Variants in PDGFA observed in about 807,000 individuals in gnomAD.
PDGFA encodes the protein platelet-derived growth factor subunit A.
PDGFA carries 9 observed loss-of-function variants against 25.6 expected under a neutral mutation model. That is an observed-to-expected ratio of 0.35 (90% CI 0.21 to 0.61). The LOEUF is 0.61. PDGFA is among the 20% of genes least tolerant of loss of function. The pLI, the probability that PDGFA is intolerant of heterozygous loss-of-function variation, is 0.75. For missense variants in PDGFA, 242 were observed against 272.8 expected, an observed-to-expected ratio of 0.89 and a Z score of 0.79; for synonymous variants, 133 against 111.8, an observed-to-expected ratio of 1.19 and a Z score of -1.20.
In PDGFA at chr7:500,665, T is replaced by C. The variant is rs1430217055; in HGVS notation, c.580+451A>G. The C allele has an allele frequency of 6.2e-6, 9 of 1,459,698 alleles. No individual in the cohort carries two copies. In the African/African-American group the frequency reaches 8.6e-5, roughly 14 times the overall value. 90.4% of individuals were successfully genotyped at this position (1,459,698 alleles called of 1,614,324 possible). ...CCCTCATGCTCCCAGGGCCCAGCCA[T>C]AGCAGGGCACAGAAGCCATTCTGCT... On this transcript the variant is annotated intron_variant, in intron 5 of 5. Coordinates refer to ENST00000402802, the Ensembl canonical transcript of PDGFA. This position sits in a 1 kb window ranked among gnomAD's most constrained non-coding sequence, Gnocchi z 5.0.
Position 510,923 on chromosome 7 carries a change from C to G in PDGFA, c.339G>C (p.Thr113=), listed in dbSNP as rs771863201. The change falls in exon 4 of 6, where the codon ACG becomes ACC. Residue 113 remains threonine (T), a synonymous_variant. Coordinates refer to ENST00000402802, the Ensembl canonical transcript of PDGFA. ...GGGGCCAGATCAGGAAGTTGGCGGA[C>G]GTGGGGTCGACCTGACTCCGAGGAA... 8 of 1,612,670 alleles carry G rather than the reference C, an allele frequency of 5.0e-6. No individual in the cohort carries two copies. The South Asian group carries it at 7.7e-5, about 16-fold the overall frequency.
At chr7:505,656 T>C (rs1388108007) in intron 4 of PDGFA, among the ~76,000 whole-genome samples, 2 of 152,136 alleles carry the variant, frequency 1.3e-5, no homozygotes, top group Non-Finnish European at 2.9e-5. Context: ...GAGGACACCA[T>C]CGTGGTCCAT....
At chr7:516,938 G>C (rs1014653319) in intron 2 of PDGFA, among the ~76,000 whole-genome samples, 1 of 151,802 alleles carries the variant, frequency 6.6e-6, no homozygotes, top group Non-Finnish European at 1.5e-5. Context: ...AGGGGGCCGG[G>C]CCCTGACCCG....
Position 518,925 on chromosome 7 carries a change from G to T in PDGFA, c.63+14C>A, listed in dbSNP as rs1181810415. Reference sequence around the variant, plus strand: ...GGAGCCGGCGCAGGGACGGGGCGCGGGGGCGGCACCAACCTCGGCCAGAAC... The same window carrying T: ...GGAGCCGGCGCAGGGACGGGGCGCGTGGGCGGCACCAACCTCGGCCAGAAC... On this transcript the variant is annotated intron_variant, in intron 1 of 5. Coordinates refer to ENST00000402802, the Ensembl canonical transcript of PDGFA. 4 of 1,509,756 alleles carry T rather than the reference G, an allele frequency of 2.6e-6. No individual in the cohort carries two copies. The South Asian group carries it at 3.7e-5, about 14-fold the overall frequency. The allele number at this position is 1,509,756 out of a possible 1,614,324, so 93.5% of individuals were successfully genotyped here.
At chr7:505,426 CCCCTCTAGA>C (rs1562486583) in intron 4 of PDGFA, among the ~76,000 whole-genome samples, 4 of 152,226 alleles carry the variant, frequency 2.6e-5, no homozygotes, top group African/African-American at 9.6e-5. Flanking sequence ...GATGCCGTCA[CCCCTCTAGA>C]CCTGGGATGC....
exon 1 of PDGFA, chr7:519,014 C>A: frequency 6.6e-7 from 1 of 1,525,840 alleles, no homozygotes; most frequent in South Asian, 1.2e-5. Flanking sequence ...CGTCCCGAGG[C>A]GCTGGCTGCT....
In PDGFA at chr7:517,354, C is replaced by G. The variant is rs1370304656; in HGVS notation, c.160+40G>C. ...GCTCGGGGCGCACAGGCCGCCCGCC[C>G]GCGCCCTCCCCGCGCGCGGAGGGAA... On this transcript the variant is annotated intron_variant, in intron 2 of 5. Transcript: ENST00000402802. This position sits in a 1 kb window ranked among gnomAD's most constrained non-coding sequence, Gnocchi z 7.4. The G allele has an allele frequency of 9.3e-7, 1 of 1,080,356 alleles. No individual in the cohort carries two copies. The highest frequency in any genetic ancestry group is 1.2e-6 in the Non-Finnish European group (1 of 810,258). 66.9% of individuals were successfully genotyped at this position (1,080,356 alleles called of 1,614,324 possible).
intron 2 of PDGFA, chr7:512,846 C>G (rs536734010): frequency 2.3e-4 from 79 of 349,122 alleles, no homozygotes; most frequent in South Asian, 1.8e-3. Flanking sequence ...GCTCCGTGCA[C>G]CTCCCCGAGG....
Position 512,485 on chromosome 7 carries a change from C to A in PDGFA, c.161-30G>T, listed in dbSNP as rs181207197. 3.2e-3 allele frequency: 5,237 copies of A among 1,613,072 alleles called. 17 individuals carry two copies. Among genetic ancestry groups the A allele is most frequent in the Non-Finnish European group, 4.2e-3 (4,917 of 1,179,870 alleles). On this transcript the variant is annotated intron_variant, in intron 2 of 5. Coordinates refer to ENST00000402802, the Ensembl canonical transcript of PDGFA. ...AGGCGGAAGGAGAACACCGTGAATG[C>A]CCCAGGCCCGTGCGCTGTGCCCTGG...
chr7:506,250 C>T (rs2128395904), intron 4 of PDGFA, among the ~76,000 whole-genome samples: 1 of 151,784 alleles, frequency 6.6e-6, no homozygotes, highest in South Asian at 2.1e-4. Context: ...TTGACACCAG[C>T]CTGGCCAACA....
rs1271536578 is a variant in PDGFA, at chr7:500,873, G to T, written c.580+243C>A. On this transcript the variant is annotated intron_variant, in intron 5 of 5. Coordinates refer to ENST00000402802, the Ensembl canonical transcript of PDGFA. This position sits in a 1 kb window ranked among gnomAD's most constrained non-coding sequence, Gnocchi z 5.0. ...ATGCACTCCCAGCCCCTCTCAGTGA[G>T]ACCTGAATCTCCTCTCCTGCCAGTG... 1.3e-6 allele frequency: 2 copies of T among 1,562,558 alleles called. No homozygotes were observed. The highest frequency in any genetic ancestry group is 1.7e-6 in the Non-Finnish European group (2 of 1,161,386).
exon 5 of PDGFA, chr7:501,125 C>T: frequency 6.2e-7 from 1 of 1,614,194 alleles, no homozygotes; most frequent in South Asian, 1.1e-5. Context: ...CCCGTGTCCT[C>T]TTCCCGATAA....
chr7:517,379 A>T lies in PDGFA; in HGVS notation c.160+15T>A. 1 of 1,281,064 alleles carries T rather than the reference A, an allele frequency of 7.8e-7. No homozygotes were observed. Among genetic ancestry groups the T allele is most frequent in the Non-Finnish European group, 1.0e-6 (1 of 971,672 alleles). The allele number at this position is 1,281,064 out of a possible 1,614,324, so 79.4% of individuals were successfully genotyped here. A position where few individuals can be genotyped will look rare whatever the true frequency, so the allele number is the denominator to read the frequency against. ...CGCGCCCTCCCCGCGCGCGGAGGGAAGGGGCGCGATTTACCTACGGAGTCT... is the reference window on the plus strand; with the variant it reads ...CGCGCCCTCCCCGCGCGCGGAGGGATGGGGCGCGATTTACCTACGGAGTCT... On this transcript the variant is annotated intron_variant, in intron 2 of 5. Coordinates refer to ENST00000402802, the Ensembl canonical transcript of PDGFA. The surrounding 1 kb of genome is among the most constrained non-coding windows in gnomAD (Gnocchi z 7.4).
At position 499,720 on chromosome 7, in the gene PDGFA, T is replaced by TC. The variant is rs1162560758; in HGVS notation, c.581-1147dup. On this transcript the variant is annotated intron_variant, in intron 5 of 5. Coordinates refer to ENST00000402802, the Ensembl canonical transcript of PDGFA. Reference sequence around the variant, plus strand: ...CTCTCTAAGGGTGTTATTTTGCCCTTCCCCCCCCCCCCCGCTCACTCCTTC... The same window carrying TC: ...CTCTCTAAGGGTGTTATTTTGCCCTTCCCCCCCCCCCCCCGCTCACTCCTTC... 2.4e-3 allele frequency among the ~76,000 whole-genome samples: 55 copies of TC among 23,054 alleles called. 7 individuals carry two copies. Among genetic ancestry groups the TC allele is most frequent in the South Asian group, 5.0e-3 (4 of 808 alleles). The allele number at this position is 23,054 out of a possible 152,430, so 15.1% of individuals were successfully genotyped here.
upstream of PDGFA, chr7:519,489 G>T: frequency 6.6e-6 from 1 of 151,738 alleles, no homozygotes; most frequent in Non-Finnish European, 1.5e-5. Context: ...CCCGGCCCCG[G>T]CTGCGAGCTG....
intron 4 of PDGFA, among the ~76,000 whole-genome samples, chr7:509,975 G>A (rs540729451): frequency 6.6e-6 from 1 of 152,130 alleles, no homozygotes; most frequent in Non-Finnish European, 1.5e-5. Flanking sequence ...TGCTTTAGGG[G>A]GGAAGCCGGG....
exon 6 of PDGFA, chr7:498,334 C>T: frequency 9.4e-6 from 5 of 530,480 alleles, no homozygotes; most frequent in East Asian, 3.0e-5. Context: ...CTCTCTCTCT[C>T]TTTTTGACAA....
intron 5 of PDGFA, 145 bp from the exon 6 acceptor site, chr7:498,719 C>T: frequency 1.3e-6 from 1 of 787,708 alleles, no homozygotes; most frequent in Non-Finnish European, 2.2e-6. Flanking sequence ...CAAGAAATTT[C>T]CAGAATCACA....
rs1288189255 is a variant in PDGFA at position 517,546 on chromosome 7, C to T, written c.64-56G>A. On this transcript the variant is annotated intron_variant, in intron 1 of 5. Transcript: ENST00000402802. This position sits in a 1 kb window ranked among gnomAD's most constrained non-coding sequence, Gnocchi z 7.4. ...GCGGCCCCGACCCCGCCGGCACGCG[C>T]CCCCGGCCGCCAGGAGCGCCGCCGC... 6 of 792,284 alleles carry T rather than the reference C, an allele frequency of 7.6e-6. No homozygotes were observed. Among genetic ancestry groups the T allele is most frequent in the African/African-American group, 1.9e-5 (1 of 52,852 alleles). 49.1% of individuals were successfully genotyped at this position (792,284 alleles called of 1,614,324 possible).
Sources: allele counts gnomAD v4.1 joint callset (sites outside exome capture counted in the v4.1 genomes callset), GRCh38; gene constraint gnomAD v4.1.1; non-coding constraint Gnocchi (gnomAD v3.1); transcripts MANE v1.5; gene names NCBI Gene and HGNC (gene_info 2026-07-23, HGNC 2026-07-21).